The following GPR39 variants were observed in gnomAD, a reference collection of about 807,000 sequenced individuals.
GPR39 encodes the protein G protein-coupled receptor 39.
GPR39 carries 23 observed loss-of-function variants against 18.4 expected under a neutral mutation model. The ratio of observed to expected loss-of-function variants is 1.25; its 90% CI spans 0.90 to 1.77. The LOEUF is 1.77. Ranked by LOEUF, GPR39 falls within the 40% of genes most tolerant of loss-of-function variation. The probability of loss-of-function intolerance (pLI) is 0.00; values close to 1 mark genes in which losing one functional copy is unlikely to be tolerated. For synonymous variants in GPR39, 280 were observed against 257.9 expected, an observed-to-expected ratio of 1.09 and a Z score of -0.82; for missense variants, 647 against 602.4, an observed-to-expected ratio of 1.07 and a Z score of -0.78.
At chr2:132,476,686 C>T (rs1681135650) in intron 1 of GPR39, among the ~76,000 whole-genome samples, 2 of 149,110 alleles carry the variant, frequency 1.3e-5, no homozygotes, top group Non-Finnish European at 3.0e-5. Flanking sequence ...AGATATGTTC[C>T]CAGGGCACTG....
chr2:132,534,444 A>T (rs1311159614), intron 1 of GPR39, among the ~76,000 whole-genome samples: 1 of 149,126 alleles, frequency 6.7e-6, no homozygotes, highest in African/African-American at 2.4e-5. Flanking sequence ...TTCCTCAGGG[A>T]TCTAGAACTA....
At chr2:132,636,429 G>A (rs1681757261) in intron 1 of GPR39, among the ~76,000 whole-genome samples, 1 of 152,184 alleles carries the variant, frequency 6.6e-6, no homozygotes, top group Non-Finnish European at 1.5e-5. Context: ...AGACAGTGGG[G>A]AAGCAGGGTC....
chr2:132,487,819 T>C (rs1410022815), intron 1 of GPR39, among the ~76,000 whole-genome samples: 1 of 152,032 alleles, frequency 6.6e-6, no homozygotes, highest in Non-Finnish European at 1.5e-5. Context: ...AGATATCTAA[T>C]GAGAATTTCA....
chr2:132,547,005 A>C (rs1387409523), intron 1 of GPR39, among the ~76,000 whole-genome samples: 1 of 152,100 alleles, frequency 6.6e-6, no homozygotes, highest in African/African-American at 2.4e-5. Flanking sequence ...GTATTTTCAA[A>C]AAGTGGTCCT....
At chr2:132,590,004 CA>C (rs1680800109) in intron 1 of GPR39, among the ~76,000 whole-genome samples, 1 of 152,180 alleles carries the variant, frequency 6.6e-6, no homozygotes, top group Non-Finnish European at 1.5e-5. Context: ...TTCATTTGAA[CA>C]AAAACATGCC....
At chr2:132,604,006 G>A (rs975879372) in intron 1 of GPR39, among the ~76,000 whole-genome samples, 1 of 152,148 alleles carries the variant, frequency 6.6e-6, no homozygotes, top group African/African-American at 2.4e-5. Context: ...TGTGCTGACT[G>A]TGGAGGTTTG....
chr2:132,540,454 T>C (rs965186693), intron 1 of GPR39, among the ~76,000 whole-genome samples: 2 of 152,042 alleles, frequency 1.3e-5, no homozygotes, highest in African/African-American at 4.8e-5. Flanking sequence ...ACTCCTTGGT[T>C]TTTCCCATTC....
intron 1 of GPR39, among the ~76,000 whole-genome samples, chr2:132,519,528 G>A (rs143633558): frequency 1.4e-4 from 21 of 152,274 alleles, no homozygotes; most frequent in East Asian, 5.8e-4. Flanking sequence ...ATTCTGAGGC[G>A]TAATGCAAGG....
At chr2:132,432,338 A>G (rs778985123) in intron 1 of GPR39, among the ~76,000 whole-genome samples, 1 of 152,194 alleles carries the variant, frequency 6.6e-6, no homozygotes, top group Non-Finnish European at 1.5e-5. Context: ...CACAAACCCC[A>G]TGAGGGATGT....
chr2:132,582,779 T>C (rs923287240), intron 1 of GPR39, among the ~76,000 whole-genome samples: 4 of 152,094 alleles, frequency 2.6e-5, no homozygotes, highest in Non-Finnish European at 4.4e-5. Flanking sequence ...AACCCCTTTT[T>C]TACCTCACTA....
At chr2:132,550,548 T>G (rs1395090360) in intron 1 of GPR39, among the ~76,000 whole-genome samples, 2 of 152,222 alleles carry the variant, frequency 1.3e-5, no homozygotes, top group Non-Finnish European at 2.9e-5. Context: ...TCCAAGGCTT[T>G]AGAATGTCAA....
At chr2:132,614,017 T>C (rs547665338) in intron 1 of GPR39, among the ~76,000 whole-genome samples, 10 of 152,330 alleles carry the variant, frequency 6.6e-5, no homozygotes, top group African/African-American at 2.4e-4. Flanking sequence ...GGGTAGCAAC[T>C]TAAGCATACT....
intron 1 of GPR39, among the ~76,000 whole-genome samples, chr2:132,603,101 A>G (rs1240546613): frequency 6.6e-6 from 1 of 152,198 alleles, no homozygotes; most frequent in Non-Finnish European, 1.5e-5. Flanking sequence ...TTATTGCAGC[A>G]CTAGTCACAA....
chr2:132,564,816 T>C (rs1265187478), intron 1 of GPR39, among the ~76,000 whole-genome samples: 2 of 130,382 alleles, frequency 1.5e-5, no homozygotes, highest in African/African-American at 2.8e-5. Context: ...TTTTCTTTTT[T>C]TTTTTTTTTT....
intron 1 of GPR39, among the ~76,000 whole-genome samples, chr2:132,440,641 A>G (rs904396906): frequency 5.3e-5 from 8 of 152,214 alleles, no homozygotes; most frequent in African/African-American, 1.9e-4. Flanking sequence ...ACAAAGTTTA[A>G]CAACCACTGA....
intron 1 of GPR39, among the ~76,000 whole-genome samples, chr2:132,643,043 C>T (rs1349040442): frequency 6.6e-6 from 1 of 152,148 alleles, no homozygotes; most frequent in African/African-American, 2.4e-5. Flanking sequence ...TGGCTGGGAA[C>T]ACCTGTACTC....
chr2:132,444,696 G>A (rs926682102), intron 1 of GPR39, among the ~76,000 whole-genome samples: 3 of 152,176 alleles, frequency 2.0e-5, no homozygotes, highest in African/African-American at 7.2e-5. Context: ...CTAATGGCCA[G>A]GTAATTGTTT....
chr2:132,504,331 G>A (rs1474663491), intron 1 of GPR39, among the ~76,000 whole-genome samples: 1 of 152,102 alleles, frequency 6.6e-6, no homozygotes, highest in Non-Finnish European at 1.5e-5. Flanking sequence ...TCTCCTAACT[G>A]GCAAGAGATG....
chr2:132,500,258 T>A (rs1230387806), intron 1 of GPR39, among the ~76,000 whole-genome samples: 2 of 152,138 alleles, frequency 1.3e-5, no homozygotes, highest in African/African-American at 2.4e-5. Flanking sequence ...GTATGTCCCT[T>A]CTATGCCGAT....
Sources: allele counts gnomAD v4.1 joint callset (sites outside exome capture counted in the v4.1 genomes callset), GRCh38; gene constraint gnomAD v4.1.1; transcripts MANE v1.5; gene names NCBI Gene and HGNC (gene_info 2026-07-23, HGNC 2026-07-21).